Variants in FHL2 observed in about 807,000 individuals in gnomAD.
FHL2 encodes four and a half LIM domains protein 2.
FHL2 carries 20 observed loss-of-function variants against 32.7 expected under a neutral mutation model. That is an observed-to-expected ratio of 0.61 (90% confidence interval 0.43 to 0.89). The LOEUF is 0.89. Ranked by LOEUF, FHL2 falls within the 40% of genes least tolerant of loss-of-function variation. The probability of loss-of-function intolerance (pLI) is 0.00; values close to 1 mark genes in which losing one functional copy is unlikely to be tolerated. For missense variants in FHL2, 311 were observed against 358.6 expected, an observed-to-expected ratio of 0.87 and a Z score of 1.07; for synonymous variants, 123 against 128.1, an observed-to-expected ratio of 0.96 and a Z score of 0.27.
intron 1 of FHL2, among the ~76,000 whole-genome samples, chr2:105,431,102 G>A (rs1684418683): frequency 6.6e-6 from 1 of 152,214 alleles, no homozygotes. Flanking sequence ...GGGAGGAAGA[G>A]TTTTATAACA....
intron 2 of FHL2, among the ~76,000 whole-genome samples, chr2:105,394,021 C>T (rs1204164399): frequency 6.6e-6 from 1 of 152,136 alleles, no homozygotes; most frequent in Admixed American, 6.6e-5. Context: ...AGCAGAAGGC[C>T]CTGATGTTCT....
chr2:105,378,016 G>A, intron 3 of FHL2: 1 of 463,862 alleles, frequency 2.2e-6, no homozygotes, highest in Non-Finnish European at 4.5e-6. Flanking sequence ...AACTGAGAGA[G>A]AAATCTCCAA....
chr2:105,369,940 C>T (rs1680905774), intron 4 of FHL2, among the ~76,000 whole-genome samples: 1 of 152,198 alleles, frequency 6.6e-6, no homozygotes, highest in South Asian at 2.1e-4. Flanking sequence ...CAGCAGTGGC[C>T]GCAAGCCTGC....
intron 1 of FHL2, among the ~76,000 whole-genome samples, chr2:105,437,321 A>G (rs563466139): frequency 6.6e-6 from 1 of 152,262 alleles, no homozygotes; most frequent in East Asian, 1.9e-4. Flanking sequence ...CATCCTGGAT[A>G]CCCCAAAACC....
At chr2:105,408,666 TAC>T (rs1174690345) in intron 1 of FHL2, among the ~76,000 whole-genome samples, 7 of 152,232 alleles carry the variant, frequency 4.6e-5, no homozygotes, top group Non-Finnish European at 4.4e-5. Flanking sequence ...TTAGTGAGCA[TAC>T]ACATGATGGC....
At chr2:105,369,867 G>T (rs1290547515) in intron 4 of FHL2, among the ~76,000 whole-genome samples, 1 of 152,158 alleles carries the variant, frequency 6.6e-6, no homozygotes, top group Non-Finnish European at 1.5e-5. Flanking sequence ...AACTCTACGT[G>T]CAGGGAATGC....
Position 105,398,835 on chromosome 2 carries a change from C to T in FHL2, c.-76+7G>A. 6.9e-7 allele frequency: 1 copy of T among 1,440,634 alleles called. No individual in the cohort carries two copies. The highest frequency in any genetic ancestry group is 9.1e-7 in the Non-Finnish European group (1 of 1,098,220). The allele number at this position is 1,440,634 out of a possible 1,614,324, so 89.2% of individuals were successfully genotyped here. On this transcript the variant is annotated splice_region_variant and intron_variant, in intron 1 of 6. Coordinates refer to ENST00000530340, the MANE Select transcript of FHL2 (RefSeq NM_001318895.3). Reference sequence around the variant, plus strand: ...TTCCCGGACCCACAGCTCTGCTCTCCTCTCACCAGTCTCCCCAACTCCGGC... The same window carrying T: ...TTCCCGGACCCACAGCTCTGCTCTCTTCTCACCAGTCTCCCCAACTCCGGC...
chr2:105,438,413 T>G (rs539367998), exon 1 of FHL2: 2 of 985,456 alleles, frequency 2.0e-6, no homozygotes, highest in African/African-American at 3.5e-5. Context: ...GGTTTTAGGG[T>G]TCTGTCTTCT....
At position 105,373,636 on chromosome 2, in the gene FHL2, T is replaced by C; in HGVS notation, c.254A>G (p.Asp85Gly). 3.1e-6 allele frequency: 5 copies of C among 1,614,220 alleles called. No individual in the cohort carries two copies. The highest frequency in any genetic ancestry group is 4.2e-6 in the Non-Finnish European group (5 of 1,180,040). The change falls in exon 4 of 7, where the codon GAC becomes GGC. Residue 85 changes from aspartate (D) to glycine (G), a missense_variant. Asp to Gly is a moderately conservative substitution (Grantham distance 94, BLOSUM62 -1). Transcript: ENST00000530340. ...ATAGCAGTCTGTACAGAGCAGCTGGTCCTCCTTGGCAGCAAAGGGCTTGTC... is the reference window on the plus strand; with the variant it reads ...ATAGCAGTCTGTACAGAGCAGCTGGCCCTCCTTGGCAGCAAAGGGCTTGTC... Reference protein sequence around the residue: ...LVDKPFAAKEDQLLCTDCYSN... With the variant: ...LVDKPFAAKEGQLLCTDCYSN...
chr2:105,433,668 A>G (rs1009436563), intron 1 of FHL2, among the ~76,000 whole-genome samples: 2 of 152,118 alleles, frequency 1.3e-5, no homozygotes, highest in Admixed American at 1.3e-4. Flanking sequence ...AACACTCCTC[A>G]TAGAGCCACC....
intron 1 of FHL2, among the ~76,000 whole-genome samples, chr2:105,429,201 TATG>T (rs746682873): frequency 1.3e-5 from 2 of 152,152 alleles, no homozygotes; most frequent in Non-Finnish European, 2.9e-5. Flanking sequence ...TGCCCCACAA[TATG>T]ATGGTCAAGA....
At chr2:105,437,950 C>T (rs1684661393) in intron 1 of FHL2, among the ~76,000 whole-genome samples, 2 of 152,190 alleles carry the variant, frequency 1.3e-5, no homozygotes, top group Non-Finnish European at 2.9e-5. Flanking sequence ...CCAGGCTTTC[C>T]GGAAATTCTG....
At chr2:105,372,916 T>C (rs1027609675) in intron 4 of FHL2, among the ~76,000 whole-genome samples, 1 of 152,196 alleles carries the variant, frequency 6.6e-6, no homozygotes, top group African/African-American at 2.4e-5. Flanking sequence ...AAATAAAAGA[T>C]TCTGCTCTCC....
At chr2:105,399,751 G>A (rs1683395329), upstream of FHL2, 1 of 875,412 alleles carries the variant, frequency 1.1e-6, no homozygotes, top group Non-Finnish European at 1.7e-6. Context: ...GCACTGTTCA[G>A]CATTGTCGCA....
intron 1 of FHL2, among the ~76,000 whole-genome samples, chr2:105,405,736 A>G (rs1323188724): frequency 6.6e-6 from 1 of 152,254 alleles, no homozygotes; most frequent in Non-Finnish European, 1.5e-5. Flanking sequence ...GAAAATCCCA[A>G]TAGTCTAACT....
chr2:105,384,879 C>A (rs115374539), intron 3 of FHL2, among the ~76,000 whole-genome samples: 1,564 of 152,268 alleles, frequency 0.01, 34 homozygotes, highest in African/African-American at 0.035. Flanking sequence ...GGCCACACAG[C>A]AAGTGAGACA....
chr2:105,368,759 C>CCA (rs1479714055), intron 4 of FHL2, among the ~76,000 whole-genome samples: 1 of 152,084 alleles, frequency 6.6e-6, no homozygotes, highest in Non-Finnish European at 1.5e-5. Flanking sequence ...ACGGATGATT[C>CCA]CAGATAGGCG....
At chr2:105,382,973 C>T (rs1682009423) in intron 3 of FHL2, among the ~76,000 whole-genome samples, 1 of 152,212 alleles carries the variant, frequency 6.6e-6, no homozygotes, top group Non-Finnish European at 1.5e-5. Context: ...GCAACCTCTA[C>T]CTTCCAGGTT....
chr2:105,436,335 A>T (rs1008221816), intron 1 of FHL2, among the ~76,000 whole-genome samples: 1 of 152,188 alleles, frequency 6.6e-6, no homozygotes, highest in Non-Finnish European at 1.5e-5. Flanking sequence ...CTTTGAACTG[A>T]TGTTATATTG....
Sources: gnomAD v4.1 joint callset for allele counts (sites outside exome capture counted in the v4.1 genomes callset) on GRCh38, gnomAD v4.1.1 for gene constraint, MANE v1.5 for transcripts, NCBI Gene and HGNC (gene_info 2026-07-23, HGNC 2026-07-21) for gene names.